The following GHR variants were observed in gnomAD, a reference collection of about 807,000 sequenced individuals.
GHR encodes GH receptor.
Under a neutral mutation model 67.1 loss-of-function variants are expected in GHR, and 35 were observed. That is an observed-to-expected ratio of 0.52 (90% confidence interval 0.40 to 0.69). The LOEUF is 0.69. Among genes scored for constraint, GHR ranks in the 30% least tolerant of loss-of-function variants. The pLI is 0.00. For synonymous variants in GHR, 272 were observed against 269.1 expected (o/e 1.01, Z -0.10); for missense variants, 792 against 764.6 (o/e 1.04, Z -0.42).
At chr5:42,474,325 GAA>G (rs371532332) in intron 1 of GHR, among the ~76,000 whole-genome samples, 33 of 132,390 alleles carry the variant, frequency 2.5e-4, no homozygotes, top group Non-Finnish European at 3.1e-4. Context: ...AAGAAAGAAA[GAA>G]AGAAAGAAAG....
intron 1 of GHR, among the ~76,000 whole-genome samples, chr5:42,479,056 C>T (rs1302777588): frequency 1.3e-5 from 2 of 152,072 alleles, no homozygotes; most frequent in African/African-American, 4.8e-5. Context: ...TGAGATATGT[C>T]CCATCATTAC....
At chr5:42,653,464 C>A (rs1755104674) in intron 3 of GHR, among the ~76,000 whole-genome samples, 1 of 152,064 alleles carries the variant, frequency 6.6e-6, no homozygotes, top group African/African-American at 2.4e-5. Context: ...TCAAAAAGCA[C>A]CAATACAAAT....
intron 2 of GHR, among the ~76,000 whole-genome samples, chr5:42,618,422 TA>T (rs2112702456): frequency 6.6e-6 from 1 of 152,226 alleles, no homozygotes; most frequent in South Asian, 2.1e-4. Flanking sequence ...CTAATTAATT[TA>T]AAAAGAGATT....
rs562955278 is a variant in GHR, at chr5:42,609,320, T to A, written c.71-19718T>A. 2.6e-5 allele frequency among the ~76,000 whole-genome samples: 4 copies of A among 152,286 alleles called. No homozygotes were observed. In the East Asian group the frequency reaches 7.7e-4, roughly 29 times the overall value. On this transcript the variant is annotated intron_variant, in intron 2 of 9. Transcript: ENST00000230882. ...TGAACCCAATGAAGACCAAGGGTTC[T>A]GGGCAATGTCATCTGTAATGGCCAA...
At chr5:42,518,234 G>A (rs67277863) in intron 1 of GHR, among the ~76,000 whole-genome samples, 27,670 of 151,004 alleles carry the variant, frequency 0.18, 2,866 homozygotes, top group Non-Finnish European at 0.22. Context: ...CTCATACAGA[G>A]GAAAACAGAT....
At chr5:42,528,525 G>A (rs1175856712) in intron 1 of GHR, among the ~76,000 whole-genome samples, 2 of 152,066 alleles carry the variant, frequency 1.3e-5, no homozygotes, top group Non-Finnish European at 2.9e-5. Context: ...TCTTATGGAT[G>A]AACAAAAAAA....
At chr5:42,527,344 C>T (rs368613470) in intron 1 of GHR, among the ~76,000 whole-genome samples, 1 of 152,020 alleles carries the variant, frequency 6.6e-6, no homozygotes, top group South Asian at 2.1e-4. Context: ...CTCACATAGC[C>T]TCAAAATAAA....
chr5:42,434,912 G>C (rs899516148), intron 1 of GHR, among the ~76,000 whole-genome samples: 19 of 152,162 alleles, frequency 1.2e-4, no homozygotes, highest in Non-Finnish European at 2.5e-4. Flanking sequence ...AAATCTGCTT[G>C]TCTGACCGGA....
At chr5:42,673,323 A>G (rs1347114173) in intron 3 of GHR, among the ~76,000 whole-genome samples, 5 of 152,238 alleles carry the variant, frequency 3.3e-5, no homozygotes, top group African/African-American at 1.2e-4. Flanking sequence ...AATGTAAGTT[A>G]GTTCAGCCAC....
At chr5:42,599,181 G>A (rs1752234302) in intron 2 of GHR, among the ~76,000 whole-genome samples, 1 of 152,150 alleles carries the variant, frequency 6.6e-6, no homozygotes, top group Admixed American at 6.5e-5. Context: ...TACCTTATTG[G>A]AAGAGGTGAC....
chr5:42,563,490 C>T (rs188291141), intron 1 of GHR, among the ~76,000 whole-genome samples: 3,046 of 151,868 alleles, frequency 0.02, 117 homozygotes, highest in African/African-American at 0.07. Flanking sequence ...CGGTGGCGGG[C>T]GCCTGTAGTC....
intron 2 of GHR, among the ~76,000 whole-genome samples, chr5:42,573,829 G>T (rs1391297379): frequency 6.6e-6 from 1 of 152,032 alleles, no homozygotes; most frequent in Non-Finnish European, 1.5e-5. Context: ...CTTGATTTCT[G>T]AATATGAAAA....
chr5:42,455,651 C>A (rs376612915), intron 1 of GHR, among the ~76,000 whole-genome samples: 2 of 152,192 alleles, frequency 1.3e-5, no homozygotes, highest in Admixed American at 6.5e-5. Flanking sequence ...GCAGGAGTGG[C>A]AAGTCCTTTG....
chr5:42,576,064 TAAAATAAA>T (rs1357808753), intron 2 of GHR, among the ~76,000 whole-genome samples: 34 of 66,240 alleles, frequency 5.1e-4, no homozygotes, highest in African/African-American at 2.9e-3. Context: ...TAAAATAAAA[TAAAATAAA>T]ATAAAATAAA....
At chr5:42,595,570 T>C (rs1752023548) in intron 2 of GHR, among the ~76,000 whole-genome samples, 1 of 152,256 alleles carries the variant, frequency 6.6e-6, no homozygotes, top group Admixed American at 6.5e-5. Context: ...ATATGTTTTA[T>C]TGTGTATTTG....
At chr5:42,496,832 A>T (rs1453100212) in intron 1 of GHR, among the ~76,000 whole-genome samples, 1 of 152,166 alleles carries the variant, frequency 6.6e-6, no homozygotes, top group African/African-American at 2.4e-5. Flanking sequence ...TGTCTTGCAA[A>T]AACCCAGGGC....
At chr5:42,576,099 TAAATAAAATAAAATAAAATA>T (rs1554021413) in intron 2 of GHR, among the ~76,000 whole-genome samples, 2 of 69,234 alleles carry the variant, frequency 2.9e-5, no homozygotes, top group Non-Finnish European at 5.7e-5. Flanking sequence ...TAAAATAAAA[TAAATAAAATAAAATAAAATA>T]AAATAAAATA....
chr5:42,598,279 G>A, intron 2 of GHR, among the ~76,000 whole-genome samples: 1 of 152,184 alleles, frequency 6.6e-6, no homozygotes, highest in South Asian at 2.1e-4. Context: ...CCAGGTTGTT[G>A]AGGGCATTTT....
chr5:42,427,425 A>G (rs754388871), intron 1 of GHR, among the ~76,000 whole-genome samples: 10 of 152,238 alleles, frequency 6.6e-5, no homozygotes, highest in Non-Finnish European at 1.2e-4. Context: ...CTTATTCACT[A>G]TCATGAGAAC....
Sources: allele counts gnomAD v4.1 joint callset (sites outside exome capture counted in the v4.1 genomes callset), GRCh38; gene constraint gnomAD v4.1.1; transcripts MANE v1.5; gene names NCBI Gene and HGNC (gene_info 2026-07-23, HGNC 2026-07-21).